NECTIN2: variants seen among roughly 807,000 people sequenced by gnomAD.
NECTIN2 encodes the protein nectin-2.
Under a neutral mutation model 56.9 loss-of-function variants are expected in NECTIN2, and 23 were observed. That is an observed-to-expected ratio of 0.40 (90% CI 0.29 to 0.57). The LOEUF (loss-of-function observed/expected upper bound fraction) is 0.57, where lower values mean the gene tolerates loss of function less well. Among genes scored for constraint, NECTIN2 ranks in the 20% least tolerant of loss-of-function variants. The pLI is 0.38. For missense variants in NECTIN2, 587 were observed against 718.3 expected (o/e 0.82, Z 2.09); for synonymous variants, 302 against 313.8 (o/e 0.96, Z 0.40).
At chr19:44,887,560 G>C (rs1209635102) in intron 8 of NECTIN2, among the ~76,000 whole-genome samples, 1 of 152,026 alleles carries the variant, frequency 6.6e-6, no homozygotes, top group Non-Finnish European at 1.5e-5. Context: ...CAGGAGAATC[G>C]CTTGGACCCG....
At position 44,847,393 on chromosome 19, in the gene NECTIN2, CA is replaced by C. The variant is rs1195197487; in HGVS notation, c.88+781del. 2.6e-5 allele frequency among the ~76,000 whole-genome samples: 4 copies of C among 151,924 alleles called. No individual in the cohort carries two copies. In the South Asian group the frequency reaches 6.2e-4, roughly 24 times the overall value. Reference sequence around the variant, plus strand: ...TGTAGCTTCTGGATTTAATTGTGGGCAGGGGGCTTCGTTTTCAGGGTTCCCG... The same window carrying C: ...TGTAGCTTCTGGATTTAATTGTGGGCGGGGGCTTCGTTTTCAGGGTTCCCG... On this transcript the variant is annotated intron_variant, in intron 1 of 8. Coordinates refer to ENST00000252483, the MANE Select transcript of NECTIN2 (RefSeq NM_001042724.2).
rs1389800884 is a variant in NECTIN2 at position 44,865,169 on chromosome 19, G to C, written c.89-102G>C. On this transcript the variant is annotated intron_variant, in intron 1 of 8. Coordinates refer to ENST00000252483, the MANE Select transcript of NECTIN2 (RefSeq NM_001042724.2). The surrounding 1 kb of genome is among the most constrained non-coding windows in gnomAD (Gnocchi z 5.2). ...TGCGAAGCTGCCTACGTTGCATGCGGAGCCTGCATTTCCCGTGGGGCCCCC... is the reference window on the plus strand; with the variant it reads ...TGCGAAGCTGCCTACGTTGCATGCGCAGCCTGCATTTCCCGTGGGGCCCCC... 2.6e-5 allele frequency: 33 copies of C among 1,282,188 alleles called. No individual in the cohort carries two copies. The Admixed American group carries it at 7.7e-4, about 30-fold the overall frequency. The allele number at this position is 1,282,188 out of a possible 1,614,324, so 79.4% of individuals were successfully genotyped here. A position where few individuals can be genotyped will look rare whatever the true frequency, so the allele number is the denominator to read the frequency against.
chr19:44,879,292 GGGTGGA>G (rs1208754667), intron 5 of NECTIN2, among the ~76,000 whole-genome samples: 1 of 152,022 alleles, frequency 6.6e-6, no homozygotes, highest in Non-Finnish European at 1.5e-5. Context: ...CTGGGCCCTC[GGGTGGA>G]GGTGGGGGTG....
At chr19:44,856,483 C>T (rs1342155529) in intron 1 of NECTIN2, among the ~76,000 whole-genome samples, 1 of 152,152 alleles carries the variant, frequency 6.6e-6, no homozygotes, top group African/African-American at 2.4e-5. Flanking sequence ...TTGAAGAACC[C>T]GCAACGGCTC....
chr19:44,878,083 A>C (rs1011412212), intron 5 of NECTIN2: 5 of 524,652 alleles, frequency 9.5e-6, no homozygotes, highest in African/African-American at 4.4e-5. Context: ...GCCCAGAGTC[A>C]CCCCCTCATT....
rs762109189 is a variant in NECTIN2, at chr19:44,846,500, G to A, written c.-26G>A. ...CAGAGTGGCCCGCGGGCCTCCGGCC[G>A]GGCCCAGTCCCCTCCCGGGCCCTCC... On this transcript the variant is annotated 5_prime_UTR_variant, in exon 1 of 9. Transcript: ENST00000252483. The A allele has an allele frequency of 3.5e-6, 5 of 1,444,506 alleles. No individual in the cohort carries two copies. The highest frequency in any genetic ancestry group is 2.5e-4 in the Middle Eastern group (1 of 4,066). 89.5% of individuals were successfully genotyped at this position (1,444,506 alleles called of 1,614,324 possible).
chr19:44,887,992 GGTGGCATCTT>G (rs1344915786), intron 8 of NECTIN2, 108 bp from the exon 9 acceptor site: 1 of 1,078,994 alleles, frequency 9.3e-7, no homozygotes, highest in Non-Finnish European at 1.4e-6. Context: ...CAAGGAGTGA[GGTGGCATCTT>G]GTTGGCATGG....
chr19:44,879,851 G>A (rs1412155217), intron 5 of NECTIN2, among the ~76,000 whole-genome samples: 3 of 152,184 alleles, frequency 2.0e-5, no homozygotes, highest in Non-Finnish European at 4.4e-5. Flanking sequence ...CAAGCCCTGT[G>A]CCAGGCAGTG....
In NECTIN2 at chr19:44,865,553, C is replaced by A. The variant is rs545950313; in HGVS notation, c.371C>A (p.Thr124Lys). 1 of 1,565,188 alleles carries A rather than the reference C, an allele frequency of 6.4e-7. No homozygotes were observed. The highest frequency in any genetic ancestry group is 8.6e-7 in the Non-Finnish European group (1 of 1,156,750). The part of the protein sequence containing the change: ...QDTEAELQDA[T>K]LALHGLTVED... ...ACAGAGGCAGAGCTCCAGGACGCCA[C>A]GCTGGCCCTCCACGGGCTCACGGTG... Residue 124 changes from threonine to lysine, a missense_variant, in exon 2 of 9, where the codon ACG becomes AAG. Thr to Lys is a moderately conservative substitution (Grantham distance 78). Coordinates refer to ENST00000252483, the MANE Select transcript of NECTIN2 (RefSeq NM_001042724.2). The surrounding 1 kb of genome is among the most constrained non-coding windows in gnomAD (Gnocchi z 5.2).
At chr19:44,868,182 G>A (rs1244249868) in intron 2 of NECTIN2, among the ~76,000 whole-genome samples, 20 of 150,928 alleles carry the variant, frequency 1.3e-4, no homozygotes, top group Non-Finnish European at 3.0e-5. Flanking sequence ...GGGCAACATG[G>A]TGAGGCCCCA....
Position 44,888,363 on chromosome 19 carries a change from G to C in NECTIN2, c.1601G>C (p.Arg534Pro), listed in dbSNP as rs201595560. 6.2e-7 allele frequency: 1 copy of C among 1,611,992 alleles called. No individual in the cohort carries two copies. Among genetic ancestry groups the C allele is most frequent in the Non-Finnish European group, 8.5e-7 (1 of 1,178,292 alleles). ...SYQGKGFVMS[R>P]AMYV ...CAGGGCAAAGGCTTTGTCATGTCCC[G>C]GGCCATGTATGTGTGAGCTGCCATG... Residue 534 changes from arginine (R) to proline (P), a missense_variant, in exon 9 of 9, where the codon CGG becomes CCG. By Grantham distance (103) the Arg-to-Pro change is moderately radical. Coordinates refer to ENST00000252483, the MANE Select transcript of NECTIN2 (RefSeq NM_001042724.2).
intron 1 of NECTIN2, among the ~76,000 whole-genome samples, chr19:44,856,779 C>T (rs1414090221): frequency 1.3e-5 from 2 of 152,142 alleles, no homozygotes; most frequent in East Asian, 3.8e-4. Flanking sequence ...CCAGCTGTTG[C>T]CCCCAGGAGC....
chr19:44,880,629 C>CT (rs572343892), intron 5 of NECTIN2, among the ~76,000 whole-genome samples: 37 of 139,572 alleles, frequency 2.7e-4, no homozygotes, highest in South Asian at 4.7e-4. Flanking sequence ...CGCACCCAGC[C>CT]TTTTTTTTTT....
chr19:44,888,186 G>A lies in NECTIN2; in HGVS notation c.1424G>A (p.Gly475Glu). 1 of 1,614,152 alleles carries A rather than the reference G, an allele frequency of 6.2e-7. No homozygotes were observed. Among genetic ancestry groups the A allele is most frequent in the Non-Finnish European group, 8.5e-7 (1 of 1,180,012 alleles). Residue 475 changes from glycine (G) to glutamate (E), a missense_variant, in exon 9 of 9, where the codon GGG becomes GAG. By Grantham distance (98) the Gly-to-Glu change is moderately conservative. Coordinates refer to ENST00000252483, the MANE Select transcript of NECTIN2 (RefSeq NM_001042724.2). ...GPLHPGATSL[G>E]SPIPVPPGPP... Reference sequence around the variant, plus strand: ...TTGCACCCTGGAGCCACAAGCCTGGGGTCCCCCATCCCGGTGCCTCCAGGG... The same window carrying A: ...TTGCACCCTGGAGCCACAAGCCTGGAGTCCCCCATCCCGGTGCCTCCAGGG...
At chr19:44,856,390 A>G (rs1043629279) in intron 1 of NECTIN2, among the ~76,000 whole-genome samples, 1 of 152,080 alleles carries the variant, frequency 6.6e-6, no homozygotes, top group African/African-American at 2.4e-5. Context: ...TTTTTGTGTC[A>G]TTTTGCTGTC....
chr19:44,878,441 G>A (rs775943228), intron 5 of NECTIN2: 14 of 1,594,816 alleles, frequency 8.8e-6, no homozygotes, highest in Middle Eastern at 1.6e-4. Context: ...TGGGGACCCC[G>A]TCTTCTGGAC....
At position 44,865,982 on chromosome 19, in the gene NECTIN2, G is replaced by A. The variant is rs897511602; in HGVS notation, c.478+322G>A. Among the ~76,000 whole-genome samples the A allele has an allele frequency of 2.6e-5, 4 of 152,126 alleles. No individual in the cohort carries two copies. Among genetic ancestry groups the A allele is most frequent in the Admixed American group, 2.6e-4 (4 of 15,264 alleles). The stretch of plus-strand genomic sequence containing the variant: ...GAGGTCAGGAGTTCAAGACCAGCCT[G>A]GCCAACATGGTGAAACCCTGTCTCT... On this transcript the variant is annotated intron_variant, in intron 2 of 8. Transcript: ENST00000252483. The surrounding 1 kb of genome is among the most constrained non-coding windows in gnomAD (Gnocchi z 5.2).
chr19:44,864,015 C>CG (rs1568590951), intron 1 of NECTIN2, among the ~76,000 whole-genome samples: 2 of 151,140 alleles, frequency 1.3e-5, no homozygotes, highest in Non-Finnish European at 2.9e-5. Flanking sequence ...AGAGGATTCC[C>CG]CCCCCCCAAA....
chr19:44,858,004 G>A (rs1968987432), intron 1 of NECTIN2, among the ~76,000 whole-genome samples: 1 of 152,208 alleles, frequency 6.6e-6, no homozygotes, highest in East Asian at 1.9e-4. Flanking sequence ...ACAAATTCCA[G>A]GAACAAGAAG....
Sources: allele counts gnomAD v4.1 joint callset (sites outside exome capture counted in the v4.1 genomes callset), GRCh38; gene constraint gnomAD v4.1.1; non-coding constraint Gnocchi (gnomAD v3.1); transcripts MANE v1.5; gene names NCBI Gene and HGNC (gene_info 2026-07-23, HGNC 2026-07-21).